Variants in BTBD9 observed in about 807,000 individuals in gnomAD.
The protein encoded by BTBD9 is BTB/POZ domain-containing protein 9.
In BTBD9, 49 loss-of-function variants were observed where a neutral mutation model predicts 64.3. That is an observed-to-expected ratio of 0.76 (90% CI 0.61 to 0.97). The LOEUF is 0.97. Among genes scored for constraint, BTBD9 ranks in the 50% least tolerant of loss-of-function variants. The pLI is 0.00. For missense variants in BTBD9, 598 were observed against 762.1 expected, an observed-to-expected ratio of 0.78 and a Z score of 2.53; for synonymous variants, 260 against 274.7, an observed-to-expected ratio of 0.95 and a Z score of 0.53.
At chr6:38,334,019 G>C (rs1245394704) in intron 7 of BTBD9, among the ~76,000 whole-genome samples, 1 of 152,128 alleles carries the variant, frequency 6.6e-6, no homozygotes, top group Non-Finnish European at 1.5e-5. Flanking sequence ...CAGGCTGAGG[G>C]GGTCTCAGAT....
intron 9 of BTBD9, among the ~76,000 whole-genome samples, chr6:38,200,422 A>G (rs930776145): frequency 1.3e-5 from 2 of 152,246 alleles, no homozygotes; most frequent in Non-Finnish European, 2.9e-5. Context: ...TAAAGATTAG[A>G]GCAGAATTAA....
In BTBD9 at chr6:38,174,792, A is replaced by T; in HGVS notation, c.*193T>A. The T allele has an allele frequency of 4.6e-6, 3 of 645,594 alleles. No individual in the cohort carries two copies. The South Asian group carries it at 6.2e-5, about 13-fold the overall frequency. The allele number at this position is 645,594 out of a possible 1,614,324, so 40.0% of individuals were successfully genotyped here. A position where few individuals can be genotyped will look rare whatever the true frequency, so the allele number is the denominator to read the frequency against. On this transcript the variant is annotated 3_prime_UTR_variant, in exon 11 of 11. Coordinates refer to ENST00000481247, the MANE Select transcript of BTBD9 (RefSeq NM_001099272.2). ...CCTTGAGACCTGCCTGATTTGGATA[A>T]ATTGAGAAGAACAAAGCAGCCCCTT...
At position 38,367,855 on chromosome 6, in the gene BTBD9, T is replaced by C. The variant is rs188539525; in HGVS notation, c.1155-22762A>G. Among the ~76,000 whole-genome samples, 150 of 135,688 alleles carry C rather than the reference T, an allele frequency of 1.1e-3. No homozygotes were observed. The Middle Eastern group carries it at 0.016, about 15-fold the overall frequency. The allele number at this position is 135,688 out of a possible 152,430, so 89.0% of individuals were successfully genotyped here. On this transcript the variant is annotated intron_variant, in intron 6 of 10. Transcript: ENST00000481247. ...AACCATCCCTGCCTGAAAAGCTCCA[T>C]GTTTTCCCCTTATTCTGTGTATCCA...
chr6:38,577,483 T>C, intron 6 of BTBD9, 117 bp downstream of exon 6: 1 of 986,528 alleles, frequency 1.0e-6, no homozygotes, highest in Non-Finnish European at 1.5e-6. Context: ...GGGATATGTT[T>C]AGTAGTTGAC....
intron 6 of BTBD9, among the ~76,000 whole-genome samples, chr6:38,441,791 T>A (rs1054358558): frequency 6.6e-6 from 1 of 152,160 alleles, no homozygotes; most frequent in Non-Finnish European, 1.5e-5. Context: ...CTATTCTAAG[T>A]GCTTTACATA....
At chr6:38,246,033 G>A (rs1764185933) in intron 9 of BTBD9, among the ~76,000 whole-genome samples, 1 of 152,146 alleles carries the variant, frequency 6.6e-6, no homozygotes, top group Non-Finnish European at 1.5e-5. Context: ...CTACCCAAGA[G>A]GACTTCATTT....
intron 7 of BTBD9, among the ~76,000 whole-genome samples, chr6:38,302,724 G>C (rs9366952): frequency 0.099 from 14,998 of 151,696 alleles, 1,776 homozygotes; most frequent in East Asian, 0.41. Flanking sequence ...CTTCCATACT[G>C]TTTTCCACAA....
At chr6:38,539,664 C>T (rs909351441) in intron 6 of BTBD9, among the ~76,000 whole-genome samples, 20 of 152,046 alleles carry the variant, frequency 1.3e-4, no homozygotes, top group Non-Finnish European at 2.4e-4. Context: ...ATATGAAAAA[C>T]GACCTATGTT....
intron 6 of BTBD9, among the ~76,000 whole-genome samples, chr6:38,395,710 T>G (rs1413011476): frequency 6.6e-6 from 1 of 152,032 alleles, no homozygotes; most frequent in South Asian, 2.1e-4. Context: ...TTTACTGTTT[T>G]TTTTTTTTTG....
In BTBD9 at chr6:38,173,659, C is replaced by T. The variant is rs1463575373; in HGVS notation, c.*1326G>A. 6.6e-6 allele frequency: 1 copy of T among 152,280 alleles called. No individual in the cohort carries two copies. The highest frequency in any genetic ancestry group is 2.4e-5 in the African/African-American group (1 of 41,446). The allele number at this position is 152,280 out of a possible 1,614,324, so 9.4% of individuals were successfully genotyped here. On this transcript the variant is annotated 3_prime_UTR_variant, in exon 11 of 11. Coordinates refer to ENST00000481247, the MANE Select transcript of BTBD9 (RefSeq NM_001099272.2). ...ACACACCTGAAAGGAAACTCCCACGCCCTCACCCTCCTTTGATCAGGGTTG... is the reference window on the plus strand; with the variant it reads ...ACACACCTGAAAGGAAACTCCCACGTCCTCACCCTCCTTTGATCAGGGTTG...
intron 1 of BTBD9, among the ~76,000 whole-genome samples, chr6:38,616,771 G>A (rs6905545): frequency 0.063 from 9,593 of 152,112 alleles, 719 homozygotes; most frequent in East Asian, 0.23. Context: ...GCAGCAACCC[G>A]CTCAGGTCCC....
intron 6 of BTBD9, among the ~76,000 whole-genome samples, chr6:38,452,516 A>G (rs1454107300): frequency 1.3e-5 from 2 of 152,120 alleles, no homozygotes; most frequent in Admixed American, 1.3e-4. Context: ...TTAAAGATGT[A>G]ATAATTTAGG....
chr6:38,559,217 T>C (rs898998033), intron 6 of BTBD9, among the ~76,000 whole-genome samples: 1 of 152,128 alleles, frequency 6.6e-6, no homozygotes. Context: ...GGTGTTTTCA[T>C]AATAGTTTCA....
intron 1 of BTBD9, among the ~76,000 whole-genome samples, chr6:38,633,271 C>G (rs138888729): frequency 6.6e-6 from 1 of 152,324 alleles, no homozygotes; most frequent in Non-Finnish European, 1.5e-5. Context: ...ACACAGGCTG[C>G]AGAGTCCACA....
At chr6:38,258,710 G>A (rs1401244386) in intron 8 of BTBD9, among the ~76,000 whole-genome samples, 1 of 152,112 alleles carries the variant, frequency 6.6e-6, no homozygotes, top group Non-Finnish European at 1.5e-5. Context: ...CTAACACAGT[G>A]AAACGCCGTC....
chr6:38,189,973 C>CTTT (rs55886750), intron 10 of BTBD9, among the ~76,000 whole-genome samples: 43 of 135,482 alleles, frequency 3.2e-4, no homozygotes, highest in Admixed American at 8.7e-4. Context: ...CAGGCCCAGC[C>CTTT]TTTTTTTTTT....
At chr6:38,625,190 T>C (rs1778126795) in intron 1 of BTBD9, among the ~76,000 whole-genome samples, 1 of 152,194 alleles carries the variant, frequency 6.6e-6, no homozygotes, top group African/African-American at 2.4e-5. Flanking sequence ...AGTAGCTCAT[T>C]ATACATGCTA....
intron 6 of BTBD9, among the ~76,000 whole-genome samples, chr6:38,389,835 G>T (rs1223704726): frequency 6.6e-6 from 1 of 152,130 alleles, no homozygotes; most frequent in Non-Finnish European, 1.5e-5. Context: ...CTGGCTTCTG[G>T]TGTCTTAAGC....
intron 10 of BTBD9, among the ~76,000 whole-genome samples, chr6:38,189,657 T>C (rs1304067288): frequency 7.2e-6 from 1 of 139,212 alleles, no homozygotes; most frequent in Non-Finnish European, 1.6e-5. Flanking sequence ...TGTCTGCTAA[T>C]TGGTTTTCTT....
Sources: gnomAD v4.1 joint callset for allele counts (sites outside exome capture counted in the v4.1 genomes callset) on GRCh38, gnomAD v4.1.1 for gene constraint, MANE v1.5 for transcripts, NCBI Gene and HGNC (gene_info 2026-07-23, HGNC 2026-07-21) for gene names.